The following CHMP5 variants were observed in gnomAD, a reference collection of about 807,000 sequenced individuals.
CHMP5 encodes the protein SNF7 domain containing 2.
In CHMP5, 17 loss-of-function variants were observed where a neutral mutation model predicts 33.0. That is an observed-to-expected ratio of 0.52 (90% CI 0.35 to 0.77). The LOEUF is 0.77. Among genes scored for constraint, CHMP5 ranks in the 30% least tolerant of loss-of-function variants. The pLI is 0.01. For missense variants in CHMP5, 216 were observed against 261.5 expected (o/e 0.83, Z 1.20); for synonymous variants, 76 against 90.2 (o/e 0.84, Z 0.89).
chr9:33,271,073 A>G (rs571587350), intron 4 of CHMP5, 79 bp from the exon 5 acceptor site: 7 of 1,059,346 alleles, frequency 6.6e-6, no homozygotes, highest in East Asian at 2.7e-5. Context: ...CTCTGTCTCA[A>G]ATAAATAAAT....
intron 7 of CHMP5, 144 bp downstream of exon 7, chr9:33,278,369 C>T (rs1382731602): frequency 2.4e-5 from 14 of 580,076 alleles, no homozygotes; most frequent in East Asian, 5.7e-5. Context: ...CTTGAAGGTC[C>T]GGTTTTTCTG....
intron 5 of CHMP5, among the ~76,000 whole-genome samples, chr9:33,273,098 T>C (rs1820814631): frequency 6.6e-6 from 1 of 152,050 alleles, no homozygotes; most frequent in African/African-American, 2.4e-5. Context: ...GCCTTCCAGA[T>C]AGCTGGGATT....
At chr9:33,280,037 G>A (rs1187998071) in intron 7 of CHMP5, among the ~76,000 whole-genome samples, 1 of 151,942 alleles carries the variant, frequency 6.6e-6, no homozygotes, top group African/African-American at 2.4e-5. Context: ...GAGTGCAGTG[G>A]CACAATCTCA....
intron 5 of CHMP5, among the ~76,000 whole-genome samples, chr9:33,276,153 T>C (rs996384368): frequency 4.6e-5 from 7 of 152,346 alleles, no homozygotes; most frequent in African/African-American, 1.7e-4. Context: ...TTTGGGCTTA[T>C]GGTTTTTAAT....
chr9:33,275,657 G>A (rs1820845252), intron 5 of CHMP5, among the ~76,000 whole-genome samples: 1 of 152,196 alleles, frequency 6.6e-6, no homozygotes, highest in Admixed American at 6.5e-5. Flanking sequence ...TTCTGTAATA[G>A]TAGACAGCTG....
At chr9:33,275,830 C>CA (rs955810998) in intron 5 of CHMP5, among the ~76,000 whole-genome samples, 1 of 152,034 alleles carries the variant, frequency 6.6e-6, no homozygotes, top group Non-Finnish European at 1.5e-5. Context: ...ACCAACATGG[C>CA]AAAACCCCAC....
chr9:33,265,433 A>T (rs1587795178), intron 1 of CHMP5, among the ~76,000 whole-genome samples: 2 of 151,014 alleles, frequency 1.3e-5, no homozygotes, highest in Admixed American at 1.3e-4. Flanking sequence ...CTCTCACCTC[A>T]CCCAGCCCTA....
chr9:33,277,976 G>A (rs1056074815), intron 6 of CHMP5, 137 bp from the exon 7 acceptor site: 14 of 530,654 alleles, frequency 2.6e-5, no homozygotes, highest in Admixed American at 6.0e-5. Flanking sequence ...CTGATTTCAC[G>A]TAATGGTCAC....
At chr9:33,271,095 G>T in intron 4 of CHMP5, 57 bp from the exon 5 acceptor site, 1 of 1,301,344 alleles carries the variant, frequency 7.7e-7, no homozygotes, top group Non-Finnish European at 1.1e-6. Context: ...AATAAATAAA[G>T]ACAATTTAAC....
chr9:33,280,768 A>G, intron 7 of CHMP5, 41 bp from the exon 8 acceptor site: 2 of 1,528,510 alleles, frequency 1.3e-6, no homozygotes, highest in Non-Finnish European at 1.8e-6. Context: ...TTTTTATCAA[A>G]TAGAAAAATA....
rs941504541 is a variant in CHMP5 at position 33,280,872 on chromosome 9, C to G, written c.*13C>G. Reference sequence around the variant, plus strand: ...CCCTGCTTCATAGATTTGCATCATTCAAGCATATCTTGTAAAACAAACACA... The same window carrying G: ...CCCTGCTTCATAGATTTGCATCATTGAAGCATATCTTGTAAAACAAACACA... On this transcript the variant is annotated 3_prime_UTR_variant, in exon 8 of 8. Transcript: ENST00000223500. 25 of 1,603,464 alleles carry G rather than the reference C, an allele frequency of 1.6e-5. No individual in the cohort carries two copies. The highest frequency in any genetic ancestry group is 2.0e-5 in the Non-Finnish European group (24 of 1,173,798).
intron 1 of CHMP5, among the ~76,000 whole-genome samples, chr9:33,265,423 C>T (rs1028860612): frequency 6.6e-6 from 1 of 152,088 alleles, no homozygotes; most frequent in Non-Finnish European, 1.5e-5. Context: ...CGCCTTGATC[C>T]TCTCACCTCA....
intron 5 of CHMP5, 53 bp from the exon 6 acceptor site, chr9:33,276,403 A>T: frequency 1.1e-6 from 1 of 933,454 alleles, no homozygotes; most frequent in Non-Finnish European, 1.7e-6. Flanking sequence ...GGAAAAGGGT[A>T]GTTAAAAGAA....
At chr9:33,278,250 T>A in intron 7 of CHMP5, 25 bp downstream of exon 7, 1 of 1,374,336 alleles carries the variant, frequency 7.3e-7, no homozygotes, top group East Asian at 2.3e-5. Context: ...TGTTTATATT[T>A]CAATGCAAAA....
chr9:33,280,359 T>G (rs1289205898), intron 7 of CHMP5, among the ~76,000 whole-genome samples: 7 of 152,236 alleles, frequency 4.6e-5, no homozygotes, highest in African/African-American at 1.7e-4. Flanking sequence ...GATAGTGATG[T>G]CGCTGCCTAT....
chr9:33,278,293 G>A (rs908708587), intron 7 of CHMP5, 68 bp downstream of exon 7: 5 of 955,384 alleles, frequency 5.2e-6, no homozygotes, highest in Non-Finnish European at 8.2e-6. Flanking sequence ...CATAAGTCTG[G>A]GAATCTAAAA....
chr9:33,266,169 C>G, intron 2 of CHMP5, 55 bp downstream of exon 2: 1 of 1,226,550 alleles, frequency 8.2e-7, no homozygotes, highest in Non-Finnish European at 1.2e-6. Context: ...GTTTTAGCAC[C>G]TATAGAAATA....
intron 5 of CHMP5, among the ~76,000 whole-genome samples, chr9:33,273,055 C>T (rs1411581603): frequency 3.3e-5 from 5 of 151,108 alleles, no homozygotes; most frequent in African/African-American, 4.9e-5. Context: ...CTGCAACCTC[C>T]GCCTCCTGGG....
Position 33,266,074 on chromosome 9 carries a change from A to G in CHMP5, c.134A>G (p.Tyr45Cys). Residue 45 changes from tyrosine to cysteine, a missense_variant, in exon 2 of 8, where the codon TAT (tyrosine) becomes TGT (cysteine). Physicochemically the swap from Tyr to Cys is radical, Grantham distance 194. Coordinates refer to ENST00000223500, the MANE Select transcript of CHMP5 (RefSeq NM_016410.6). ...CGATTGGATGCTGAGCTAGTGAAGT[A>G]TAAGGATCAGATCAAGAAGATGAGA... is the stretch of plus-strand genomic sequence containing the variant. ...ISRLDAELVKYKDQIKKMREG... is the reference protein window; with the variant it reads ...ISRLDAELVKCKDQIKKMREG... 1 of 1,613,374 alleles carries G rather than the reference A, an allele frequency of 6.2e-7. No individual in the cohort carries two copies. Among genetic ancestry groups the G allele is most frequent in the Non-Finnish European group, 8.5e-7 (1 of 1,179,468 alleles).
Sources: gnomAD v4.1 joint callset for allele counts (sites outside exome capture counted in the v4.1 genomes callset) on GRCh38, gnomAD v4.1.1 for gene constraint, MANE v1.5 for transcripts, NCBI Gene and HGNC (gene_info 2026-07-23, HGNC 2026-07-21) for gene names.